Variants in BTBD9 observed in about 807,000 individuals in gnomAD.
The protein encoded by BTBD9 is BTB domain containing 9.
In BTBD9, 49 loss-of-function variants were observed where a neutral mutation model predicts 64.3. The ratio of observed to expected loss-of-function variants is 0.76; its 90% CI spans 0.61 to 0.97. The LOEUF (loss-of-function observed/expected upper bound fraction) is 0.97. Among genes scored for constraint, BTBD9 ranks in the 50% least tolerant of loss-of-function variants. The pLI is 0.00. For missense variants in BTBD9, 598 were observed against 762.1 expected (o/e 0.78, Z 2.53); for synonymous variants, 260 against 274.7 (o/e 0.95, Z 0.53).
At chr6:38,193,426 G>A (rs1351778975) in intron 9 of BTBD9, among the ~76,000 whole-genome samples, 2 of 152,086 alleles carry the variant, frequency 1.3e-5, no homozygotes, top group African/African-American at 2.4e-5. Context: ...CGCTGCCCCC[G>A]ACACTGTCTA....
At chr6:38,265,194 G>T (rs1022479705) in intron 8 of BTBD9, among the ~76,000 whole-genome samples, 10 of 152,042 alleles carry the variant, frequency 6.6e-5, no homozygotes, top group African/African-American at 2.4e-4. Flanking sequence ...GTCAACTGAA[G>T]TCCAGGATTA....
At chr6:38,502,051 G>A (rs1772226441) in intron 6 of BTBD9, among the ~76,000 whole-genome samples, 1 of 152,132 alleles carries the variant, frequency 6.6e-6, no homozygotes, top group African/African-American at 2.4e-5. Flanking sequence ...CAATATCCTG[G>A]TGTCAATGAG....
At chr6:38,466,728 C>G (rs1223088651) in intron 6 of BTBD9, among the ~76,000 whole-genome samples, 1 of 152,008 alleles carries the variant, frequency 6.6e-6, no homozygotes, top group Non-Finnish European at 1.5e-5. Context: ...CACGTGCCCA[C>G]CACCATGCCC....
intron 6 of BTBD9, among the ~76,000 whole-genome samples, chr6:38,449,709 A>C (rs1446107566): frequency 1.3e-5 from 2 of 152,136 alleles, no homozygotes; most frequent in African/African-American, 2.4e-5. Context: ...GTTCGAGACC[A>C]GTCTGGGCAA....
At chr6:38,182,286 C>T (rs1156603005) in intron 10 of BTBD9, among the ~76,000 whole-genome samples, 2 of 152,178 alleles carry the variant, frequency 1.3e-5, no homozygotes, top group East Asian at 1.9e-4. Flanking sequence ...ATCCCTATCA[C>T]CCCAGGCAGC....
chr6:38,551,246 G>A (rs189712034), intron 6 of BTBD9, among the ~76,000 whole-genome samples: 1 of 152,184 alleles, frequency 6.6e-6, no homozygotes. Context: ...TATTCAGACT[G>A]GTCTGGGAAT....
chr6:38,573,215 C>A (rs1775857834), intron 6 of BTBD9, among the ~76,000 whole-genome samples: 2 of 152,032 alleles, frequency 1.3e-5, no homozygotes, highest in Non-Finnish European at 2.9e-5. Context: ...AAAACGGTGA[C>A]AGTGTCTGCA....
At chr6:38,271,913 T>A (rs1053052426) in intron 8 of BTBD9, among the ~76,000 whole-genome samples, 1 of 151,872 alleles carries the variant, frequency 6.6e-6, no homozygotes, top group Non-Finnish European at 1.5e-5. Flanking sequence ...GTGGCAATTC[T>A]TGGCTTGCCT....
chr6:38,246,084 G>A (rs1197985775), intron 9 of BTBD9, among the ~76,000 whole-genome samples: 1 of 152,154 alleles, frequency 6.6e-6, no homozygotes, highest in Non-Finnish European at 1.5e-5. Flanking sequence ...TGGGTAGAGA[G>A]GAGCCTCCCA....
intron 6 of BTBD9, among the ~76,000 whole-genome samples, chr6:38,408,920 A>G (rs927202165): frequency 6.6e-6 from 1 of 152,212 alleles, no homozygotes; most frequent in African/African-American, 2.4e-5. Flanking sequence ...CTTAGGTACT[A>G]CTTCAGGTAC....
intron 1 of BTBD9, among the ~76,000 whole-genome samples, chr6:38,599,746 G>C (rs1351750759): frequency 1.3e-5 from 2 of 152,168 alleles, no homozygotes; most frequent in Admixed American, 1.3e-4. Flanking sequence ...TCTCTTCTGT[G>C]ACTGCAATGG....
intron 7 of BTBD9, among the ~76,000 whole-genome samples, chr6:38,313,399 G>A (rs1762913714): frequency 6.6e-6 from 1 of 152,092 alleles, no homozygotes; most frequent in African/African-American, 2.4e-5. Flanking sequence ...CTCTGGCTAG[G>A]ACTTCCACTA....
intron 6 of BTBD9, among the ~76,000 whole-genome samples, chr6:38,420,888 T>G (rs1463418408): frequency 6.6e-6 from 1 of 151,938 alleles, no homozygotes; most frequent in Non-Finnish European, 1.5e-5. Flanking sequence ...TAGAATAACA[T>G]AATAAAACAA....
At chr6:38,355,247 G>A (rs1764673554) in intron 6 of BTBD9, among the ~76,000 whole-genome samples, 2 of 152,082 alleles carry the variant, frequency 1.3e-5, no homozygotes, top group Non-Finnish European at 2.9e-5. Flanking sequence ...AGCAGACATG[G>A]GATTCAAACC....
intron 4 of BTBD9, among the ~76,000 whole-genome samples, chr6:38,591,673 G>A (rs555928332): frequency 6.6e-6 from 1 of 152,248 alleles, no homozygotes; most frequent in Non-Finnish European, 1.5e-5. Context: ...TCCTCATTGT[G>A]TAAAATGGAG....
At chr6:38,497,313 G>A (rs1019269360) in intron 6 of BTBD9, among the ~76,000 whole-genome samples, 1 of 152,046 alleles carries the variant, frequency 6.6e-6, no homozygotes, top group East Asian at 1.9e-4. Context: ...TGCTGTATAC[G>A]ATCTAGTATT....
At chr6:38,209,505 G>A (rs1762761070) in intron 9 of BTBD9, among the ~76,000 whole-genome samples, 1 of 152,186 alleles carries the variant, frequency 6.6e-6, no homozygotes, top group Non-Finnish European at 1.5e-5. Context: ...TCTGGTTATA[G>A]CTGGACCGGT....
At chr6:38,272,326 CTGAGT>C (rs1328474151) in intron 8 of BTBD9, among the ~76,000 whole-genome samples, 1 of 152,150 alleles carries the variant, frequency 6.6e-6, no homozygotes, top group East Asian at 1.9e-4. Flanking sequence ...GTACACAGTG[CTGAGT>C]TGTTTGTTGG....
intron 9 of BTBD9, among the ~76,000 whole-genome samples, chr6:38,254,467 C>CA (rs1439473611): frequency 2.6e-5 from 4 of 151,150 alleles, no homozygotes; most frequent in African/African-American, 9.8e-5. Context: ...AACAAACAAA[C>CA]AAACAAACAA....
Sources: gnomAD v4.1 joint callset for allele counts (sites outside exome capture counted in the v4.1 genomes callset) on GRCh38, gnomAD v4.1.1 for gene constraint, MANE v1.5 for transcripts, NCBI Gene and HGNC (gene_info 2026-07-23, HGNC 2026-07-21) for gene names.